The following UBE2E2 variants were observed in gnomAD, a reference collection of about 807,000 sequenced individuals.
The protein encoded by UBE2E2 is ubiquitin-conjugating enzyme E2 E2.
Under a neutral mutation model 24.7 loss-of-function variants are expected in UBE2E2, and 6 were observed. The ratio of observed to expected loss-of-function variants is 0.24; its 90% CI spans 0.13 to 0.48. UBE2E2 has a LOEUF of 0.48. Ranked by LOEUF, UBE2E2 falls within the 20% of genes least tolerant of loss-of-function variation. UBE2E2 has a pLI of 0.99. For synonymous variants in UBE2E2, 104 were observed against 83.6 expected (o/e 1.24, Z -1.33); for missense variants, 169 against 245.0 (o/e 0.69, Z 2.07).
chr3:23,434,343 A>G (rs1201585380), intron 3 of UBE2E2, among the ~76,000 whole-genome samples: 1 of 152,132 alleles, frequency 6.6e-6, no homozygotes, highest in African/African-American at 2.4e-5. Context: ...TAATTTTATG[A>G]CAGTAATATT....
intron 3 of UBE2E2, among the ~76,000 whole-genome samples, chr3:23,340,481 C>T (rs1190321376): frequency 6.6e-6 from 1 of 152,092 alleles, no homozygotes; most frequent in Non-Finnish European, 1.5e-5. Flanking sequence ...ATGAAGCACA[C>T]AGTCACACCT....
chr3:23,226,622 C>T (rs1229370469), intron 3 of UBE2E2, among the ~76,000 whole-genome samples: 1 of 152,056 alleles, frequency 6.6e-6, no homozygotes, highest in Admixed American at 6.6e-5. Context: ...ATAGGGATGG[C>T]TTTACGTAAG....
rs544510194 is a variant in UBE2E2, at chr3:23,526,384, G to T, written c.361-6170G>T. On this transcript the variant is annotated intron_variant, in intron 4 of 5. Transcript: ENST00000396703. Reference sequence around the variant, plus strand: ...TTCCAGCTTTTACTCTTAAGTTATGGTTCTAAAACGCTCTTTTACCTAAAA... The same window carrying T: ...TTCCAGCTTTTACTCTTAAGTTATGTTTCTAAAACGCTCTTTTACCTAAAA... Among the ~76,000 whole-genome samples the T allele has an allele frequency of 2.0e-5, 3 of 152,152 alleles. No individual in the cohort carries two copies. The South Asian group carries it at 6.2e-4, about 32-fold the overall frequency.
At chr3:23,502,962 T>C (rs1405551229) in intron 4 of UBE2E2, among the ~76,000 whole-genome samples, 1 of 152,190 alleles carries the variant, frequency 6.6e-6, no homozygotes, top group Admixed American at 6.5e-5. Flanking sequence ...GATAATATTA[T>C]TTCTCTGTGA....
chr3:23,521,248 G>A lies in UBE2E2; in HGVS notation c.361-11306G>A, dbSNP rs191917629. Among the ~76,000 whole-genome samples, 169 of 152,262 alleles carry A rather than the reference G, an allele frequency of 1.1e-3. 2 individuals carry two copies. The highest frequency in any genetic ancestry group is 3.9e-3 in the African/African-American group (161 of 41,550). Reference sequence around the variant, plus strand: ...GGGGAGTGTGAGACCTATAAAAAATGTAAAGAAAAGAAACGAAAAGGAGGA... The same window carrying A: ...GGGGAGTGTGAGACCTATAAAAAATATAAAGAAAAGAAACGAAAAGGAGGA... On this transcript the variant is annotated intron_variant, in intron 4 of 5. Coordinates refer to ENST00000396703, the MANE Select transcript of UBE2E2 (RefSeq NM_152653.4).
intron 3 of UBE2E2, among the ~76,000 whole-genome samples, chr3:23,318,180 T>TG (rs1409832811): frequency 1.3e-5 from 2 of 152,126 alleles, no homozygotes; most frequent in Non-Finnish European, 2.9e-5. Context: ...TATTAATGAA[T>TG]GAATGACAGG....
At chr3:23,273,542 AAAG>A (rs953925103) in intron 3 of UBE2E2, among the ~76,000 whole-genome samples, 9 of 151,876 alleles carry the variant, frequency 5.9e-5, no homozygotes, top group Non-Finnish European at 4.4e-5. Context: ...AAAAAAAAAA[AAAG>A]AGAGAGAAAT....
At chr3:23,279,406 G>A (rs1235178804) in intron 3 of UBE2E2, among the ~76,000 whole-genome samples, 2 of 152,168 alleles carry the variant, frequency 1.3e-5, no homozygotes, top group African/African-American at 2.4e-5. Context: ...AAGCCTTCCA[G>A]GGTCTGTCTT....
intron 3 of UBE2E2, among the ~76,000 whole-genome samples, chr3:23,371,472 G>A (rs1696397374): frequency 6.6e-6 from 1 of 152,090 alleles, no homozygotes; most frequent in South Asian, 2.1e-4. Flanking sequence ...AAAGTAGCAT[G>A]TTTTCTACCA....
chr3:23,209,378 T>C (rs1457318657), intron 2 of UBE2E2, among the ~76,000 whole-genome samples: 2 of 152,188 alleles, frequency 1.3e-5, no homozygotes, highest in African/African-American at 2.4e-5. Flanking sequence ...TTTCTCTTTC[T>C]CTAGAGAATA....
At chr3:23,353,544 G>A (rs999751661) in intron 3 of UBE2E2, among the ~76,000 whole-genome samples, 3 of 152,122 alleles carry the variant, frequency 2.0e-5, no homozygotes, top group Non-Finnish European at 4.4e-5. Context: ...AAAGTCTCAG[G>A]ATACAAAATC....
At chr3:23,249,899 G>A (rs1228084552) in intron 3 of UBE2E2, among the ~76,000 whole-genome samples, 15 of 152,014 alleles carry the variant, frequency 9.9e-5, no homozygotes, top group African/African-American at 2.9e-4. Flanking sequence ...CTCATGATCC[G>A]CCTGCCTCTG....
intron 5 of UBE2E2, among the ~76,000 whole-genome samples, chr3:23,588,318 A>G (rs973930522): frequency 6.6e-6 from 1 of 152,026 alleles, no homozygotes; most frequent in African/African-American, 2.4e-5. Flanking sequence ...GTGAAATTAG[A>G]GAATTGGAGG....
At chr3:23,581,758 G>A (rs866080155) in intron 5 of UBE2E2, among the ~76,000 whole-genome samples, 12 of 152,106 alleles carry the variant, frequency 7.9e-5, no homozygotes, top group African/African-American at 1.4e-4. Flanking sequence ...AAAATTTTTC[G>A]TGTAATTTCT....
Position 23,563,982 on chromosome 3 carries a change from A to AGAAG in UBE2E2, c.509-25749_509-25748insGGAA, listed in dbSNP as rs751883129. The stretch of plus-strand genomic sequence containing the variant: ...AAGCTTCCAAAAACAAAAGAAAGAA[A>AGAAG]GAAAGAAAAAGAAAAGAAAAGAGAA... On this transcript the variant is annotated intron_variant, in intron 5 of 5. Transcript: ENST00000396703. Among the ~76,000 whole-genome samples the AGAAG allele has an allele frequency of 2.0e-3, 302 of 151,798 alleles. 2 individuals carry two copies. The Middle Eastern group carries it at 0.02, about 10-fold the overall frequency.
chr3:23,420,403 G>T (rs1157823744), intron 3 of UBE2E2, among the ~76,000 whole-genome samples: 1 of 152,174 alleles, frequency 6.6e-6, no homozygotes, highest in African/African-American at 2.4e-5. Context: ...TTATGATCCT[G>T]TGATTTAGAA....
At chr3:23,244,463 A>G (rs1380554949) in intron 3 of UBE2E2, among the ~76,000 whole-genome samples, 3 of 152,148 alleles carry the variant, frequency 2.0e-5, no homozygotes, top group Admixed American at 6.5e-5. Context: ...GAAGATTTTT[A>G]CAGTCAAAGT....
intron 3 of UBE2E2, among the ~76,000 whole-genome samples, chr3:23,317,187 ATTG>A (rs555134686): frequency 3.4e-4 from 52 of 152,224 alleles, no homozygotes; most frequent in Admixed American, 5.9e-4. Context: ...TTGCCTAGGA[ATTG>A]TTGTCCTTGT....
chr3:23,490,375 C>T (rs1334275240), intron 3 of UBE2E2, among the ~76,000 whole-genome samples: 2 of 152,112 alleles, frequency 1.3e-5, no homozygotes, highest in Admixed American at 6.5e-5. Flanking sequence ...TTTATGTTTA[C>T]AAGTAAATGC....
Sources: allele counts gnomAD v4.1 joint callset (sites outside exome capture counted in the v4.1 genomes callset), GRCh38; gene constraint gnomAD v4.1.1; transcripts MANE v1.5; gene names NCBI Gene and HGNC (gene_info 2026-07-23, HGNC 2026-07-21).